The following PI4K2A variants were observed in gnomAD, a reference collection of about 807,000 sequenced individuals.
PI4K2A encodes the protein phosphatidylinositol 4-kinase type 2-alpha.
In PI4K2A, 20 loss-of-function variants were observed where a neutral mutation model predicts 55.0. The observed-to-expected ratio is 0.36, with a 90% CI of 0.26 to 0.53. The LOEUF (loss-of-function observed/expected upper bound fraction) is 0.53, where lower values mean the gene tolerates loss of function less well. Ranked by LOEUF, PI4K2A falls within the 20% of genes least tolerant of loss-of-function variation. PI4K2A has a pLI of 0.91. For synonymous variants in PI4K2A, 235 were observed against 258.5 expected, an observed-to-expected ratio of 0.91 and a Z score of 0.87; for missense variants, 463 against 637.1, an observed-to-expected ratio of 0.73 and a Z score of 2.94.
chr10:97,643,183 G>A (rs376750935), intron 1 of PI4K2A, among the ~76,000 whole-genome samples: 3 of 151,624 alleles, frequency 2.0e-5, no homozygotes, highest in African/African-American at 4.9e-5. Flanking sequence ...CAAGAGTCTC[G>A]CCATGTTGCC....
chr10:97,644,155 A>C (rs2041492974), intron 1 of PI4K2A, among the ~76,000 whole-genome samples: 1 of 152,212 alleles, frequency 6.6e-6, no homozygotes, highest in South Asian at 2.1e-4. Flanking sequence ...GTTCGAGACC[A>C]GCCTGGTCAA....
At chr10:97,650,192 A>G (rs1045946274) in intron 1 of PI4K2A, among the ~76,000 whole-genome samples, 1 of 150,400 alleles carries the variant, frequency 6.6e-6, no homozygotes, top group African/African-American at 2.4e-5. Context: ...AGGATATTGT[A>G]TCTTTCTGGA....
intron 1 of PI4K2A, among the ~76,000 whole-genome samples, chr10:97,649,985 A>AG (rs901980884): frequency 6.6e-6 from 1 of 152,102 alleles, no homozygotes; most frequent in African/African-American, 2.4e-5. Context: ...TAATTGGTGC[A>AG]GAACAACAGT....
intron 8 of PI4K2A, among the ~76,000 whole-genome samples, chr10:97,667,933 T>C (rs1326485719): frequency 6.6e-6 from 1 of 152,220 alleles, no homozygotes; most frequent in Non-Finnish European, 1.5e-5. Context: ...CACTCACATA[T>C]TGATTATGGT....
chr10:97,651,652 T>G (rs1277239282), intron 2 of PI4K2A, among the ~76,000 whole-genome samples: 1 of 152,184 alleles, frequency 6.6e-6, no homozygotes, highest in Non-Finnish European at 1.5e-5. Flanking sequence ...CTGTCGAATT[T>G]TGGGACTTGT....
intron 8 of PI4K2A, among the ~76,000 whole-genome samples, chr10:97,672,722 G>GTTTTTTTTTTTTTTTTTTTTTTTTTTTT (rs201709914): frequency 1.1e-5 from 1 of 94,790 alleles, no homozygotes; most frequent in African/African-American, 5.1e-5. Context: ...CAGAGGGTCT[G>GTTTTTTTTTTTTTTTTTTTTTTTTTTTT]TTCTTTTTTT....
intron 1 of PI4K2A, among the ~76,000 whole-genome samples, chr10:97,645,501 G>T (rs933932589): frequency 9.3e-5 from 14 of 151,086 alleles, no homozygotes; most frequent in South Asian, 4.2e-4. Context: ...CCAGCTACTC[G>T]GGAGGCTGAG....
At chr10:97,646,334 C>T (rs1385876782) in intron 1 of PI4K2A, among the ~76,000 whole-genome samples, 1 of 151,886 alleles carries the variant, frequency 6.6e-6, no homozygotes, top group Non-Finnish European at 1.5e-5. Context: ...CCTGCTTCAG[C>T]CTCCCAAGTA....
At chr10:97,664,849 G>C in intron 5 of PI4K2A, 36 bp from the exon 6 acceptor site, 14 of 1,416,260 alleles carry the variant, frequency 9.9e-6, no homozygotes, top group African/African-American at 1.4e-5. Flanking sequence ...GAGGGAGATG[G>C]GTTTCCTCAG....
chr10:97,660,933 ATTTT>A (rs36016508), intron 4 of PI4K2A, among the ~76,000 whole-genome samples: 1 of 146,448 alleles, frequency 6.8e-6, no homozygotes, highest in East Asian at 2.0e-4. Context: ...TCCCTGCTGG[ATTTT>A]TTTTTTTTTC....
exon 8 of PI4K2A, chr10:97,667,088 T>G: frequency 6.2e-7 from 1 of 1,613,838 alleles, no homozygotes; most frequent in Non-Finnish European, 8.5e-7. Context: ...CAGGGGCCAG[T>G]TCCATAAGCA....
exon 2 of PI4K2A, chr10:97,650,977 C>T: frequency 6.2e-7 from 1 of 1,613,850 alleles, no homozygotes; most frequent in Non-Finnish European, 8.5e-7. Context: ...GAATGAAGAG[C>T]CCTATGGGCA....
chr10:97,656,987 A>T lies in PI4K2A; in HGVS notation c.922+13A>T. 10 of 1,614,044 alleles carry T rather than the reference A, an allele frequency of 6.2e-6. No homozygotes were observed. Among genetic ancestry groups the T allele is most frequent in the Non-Finnish European group, 7.6e-6 (9 of 1,179,944 alleles). ...ATCCGCAACACTGGTGAGCAGCTGCAGGTGGTCCCATGCCCTGTGCCAGAC... is the reference window on the plus strand; with the variant it reads ...ATCCGCAACACTGGTGAGCAGCTGCTGGTGGTCCCATGCCCTGTGCCAGAC... On this transcript the variant is annotated intron_variant, in intron 4 of 8. Transcript: ENST00000370631. The surrounding 1 kb of genome is among the most constrained non-coding windows in gnomAD (Gnocchi z 4.5).
chr10:97,653,714 C>T (rs879479028), intron 2 of PI4K2A, among the ~76,000 whole-genome samples: 11 of 152,182 alleles, frequency 7.2e-5, no homozygotes, highest in Non-Finnish European at 1.3e-4. Context: ...GTCAGGAGTT[C>T]GAGACCAGCC....
At chr10:97,648,701 T>G (rs2099839991) in intron 1 of PI4K2A, among the ~76,000 whole-genome samples, 1 of 152,152 alleles carries the variant, frequency 6.6e-6, no homozygotes, top group Admixed American at 6.5e-5. Context: ...GGTTTCCCTG[T>G]CCAGGGTCCG....
chr10:97,661,528 GT>G (rs369247796), intron 4 of PI4K2A, among the ~76,000 whole-genome samples: 44 of 144,196 alleles, frequency 3.1e-4, no homozygotes, highest in African/African-American at 9.9e-4. Flanking sequence ...TTTCCTTTCT[GT>G]TTTTTTTTTG....
intron 2 of PI4K2A, among the ~76,000 whole-genome samples, chr10:97,655,375 A>AG: frequency 6.7e-6 from 1 of 150,036 alleles, no homozygotes; most frequent in Admixed American, 6.6e-5. Flanking sequence ...GTCTCAAAAA[A>AG]AAAAAAAAAA....
At chr10:97,651,528 G>C (rs1372946023) in intron 2 of PI4K2A, among the ~76,000 whole-genome samples, 1 of 152,202 alleles carries the variant, frequency 6.6e-6, no homozygotes, top group East Asian at 1.9e-4. Context: ...TGACAGCTAA[G>C]AACTTCTGCA....
intron 7 of PI4K2A, 45 bp from the exon 8 acceptor site, chr10:97,667,016 G>A (rs779126537): frequency 1.4e-6 from 2 of 1,480,670 alleles, no homozygotes; most frequent in Admixed American, 1.7e-5. Context: ...GGGTTCCTGT[G>A]AGGCATTCAC....
Sources: gnomAD v4.1 joint callset for allele counts (sites outside exome capture counted in the v4.1 genomes callset) on GRCh38, gnomAD v4.1.1 for gene constraint, Gnocchi (gnomAD v3.1) non-coding constraint, MANE v1.5 for transcripts, NCBI Gene and HGNC (gene_info 2026-07-23, HGNC 2026-07-21) for gene names.